Variants in DLGAP1 observed in about 807,000 individuals in gnomAD.
DLGAP1 encodes DLG associated protein 1, also known as disks large-associated protein 1.
A neutral mutation model predicts 90.8 loss-of-function variants in DLGAP1; 11 were observed. The observed-to-expected ratio is 0.12, with a 90% CI of 0.08 to 0.20. The LOEUF is 0.20. Ranked by LOEUF, DLGAP1 falls within the 10% of genes least tolerant of loss-of-function variation. DLGAP1 has a pLI of 1.00. For synonymous variants in DLGAP1, 558 were observed against 540.7 expected (o/e 1.03, Z -0.44); for missense variants, 1,050 against 1,333.8 (o/e 0.79, Z 3.31).
At chr18:3,581,037 G>A (rs1019610247) in intron 8 of DLGAP1, among the ~76,000 whole-genome samples, 1 of 152,140 alleles carries the variant, frequency 6.6e-6, no homozygotes, top group Non-Finnish European at 1.5e-5. Flanking sequence ...CCAACCCCAG[G>A]CTGCTTATGT....
At chr18:4,289,056 A>G (rs1394519455) in intron 1 of DLGAP1, among the ~76,000 whole-genome samples, 1 of 152,168 alleles carries the variant, frequency 6.6e-6, no homozygotes, top group Admixed American at 6.6e-5. Context: ...TAACAGATAA[A>G]TCTTCAGCCC....
chr18:4,068,080 T>TC (rs2075395936), intron 2 of DLGAP1, among the ~76,000 whole-genome samples: 1 of 152,082 alleles, frequency 6.6e-6, no homozygotes, highest in African/African-American at 2.4e-5. Flanking sequence ...AAGCACACCC[T>TC]CCTTCTCATT....
chr18:3,851,725 A>G (rs181175468), intron 4 of DLGAP1, among the ~76,000 whole-genome samples: 10 of 152,326 alleles, frequency 6.6e-5, no homozygotes, highest in Non-Finnish European at 1.3e-4. Flanking sequence ...TCTTGTAAAT[A>G]ATGAAAACTC....
At chr18:4,424,833 A>C (rs1939266421) in intron 1 of DLGAP1, among the ~76,000 whole-genome samples, 1 of 152,148 alleles carries the variant, frequency 6.6e-6, no homozygotes, top group Non-Finnish European at 1.5e-5. Flanking sequence ...CTAAATTTGC[A>C]CCTTATTCTT....
At chr18:3,784,711 A>G (rs1444737384) in intron 5 of DLGAP1, among the ~76,000 whole-genome samples, 1 of 152,210 alleles carries the variant, frequency 6.6e-6, no homozygotes, top group Non-Finnish European at 1.5e-5. Context: ...GATCCAGTGC[A>G]ATGAGCGAGA....
chr18:3,679,628 G>A (rs1041668629), intron 7 of DLGAP1, among the ~76,000 whole-genome samples: 4 of 149,198 alleles, frequency 2.7e-5, no homozygotes, highest in East Asian at 2.0e-4. Context: ...GATGAGCTCC[G>A]TGGTAGTTTG....
intron 1 of DLGAP1, among the ~76,000 whole-genome samples, chr18:4,306,065 C>CAT (rs1555779966): frequency 2.3e-5 from 3 of 131,602 alleles, no homozygotes; most frequent in Admixed American, 1.6e-4. Context: ...CACACACACA[C>CAT]GGGGGAGAGG....
chr18:4,105,649 A>T (rs1201908290), intron 2 of DLGAP1, among the ~76,000 whole-genome samples: 2 of 152,260 alleles, frequency 1.3e-5, no homozygotes, highest in Non-Finnish European at 2.9e-5. Context: ...ATTGCTATTT[A>T]AAGTAATTTA....
At chr18:4,233,862 A>G (rs77063387) in intron 1 of DLGAP1, among the ~76,000 whole-genome samples, 4,990 of 152,212 alleles carry the variant, frequency 0.033, 265 homozygotes, top group African/African-American at 0.11. Context: ...GTCCATTACC[A>G]TTTCTTTATT....
intron 2 of DLGAP1, among the ~76,000 whole-genome samples, chr18:4,067,188 G>A (rs529071649): frequency 2.0e-5 from 3 of 152,032 alleles, no homozygotes; most frequent in Admixed American, 6.6e-5. Flanking sequence ...GGTGGAGGTT[G>A]GGAGGAGGAA....
chr18:4,150,969 G>C (rs67060015), intron 2 of DLGAP1, among the ~76,000 whole-genome samples: 37,937 of 152,100 alleles, frequency 0.25, 4,848 homozygotes, highest in Middle Eastern at 0.34. Context: ...AATACATCTG[G>C]CCTAGATTCT....
At chr18:4,300,520 C>T (rs948336732) in intron 1 of DLGAP1, among the ~76,000 whole-genome samples, 1 of 152,214 alleles carries the variant, frequency 6.6e-6, no homozygotes, top group African/African-American at 2.4e-5. Context: ...AAAACTCTTG[C>T]AATACTCTAG....
chr18:4,344,560 G>A (rs998500914), intron 1 of DLGAP1, among the ~76,000 whole-genome samples: 2 of 152,222 alleles, frequency 1.3e-5, no homozygotes, highest in African/African-American at 4.8e-5. Flanking sequence ...AAAGTATTAC[G>A]GTCAAGGTCA....
chr18:4,206,584 C>T (rs2077725237), intron 1 of DLGAP1, among the ~76,000 whole-genome samples: 1 of 152,158 alleles, frequency 6.6e-6, no homozygotes, highest in Non-Finnish European at 1.5e-5. Flanking sequence ...AGAGGGCCCA[C>T]ATCAGCATGC....
chr18:4,082,891 T>C (rs1400116667), intron 2 of DLGAP1, among the ~76,000 whole-genome samples: 1 of 152,076 alleles, frequency 6.6e-6, no homozygotes, highest in East Asian at 1.9e-4. Flanking sequence ...GTAATGCACA[T>C]GGACCCCAAG....
chr18:4,281,289 G>A (rs545419459), intron 1 of DLGAP1, among the ~76,000 whole-genome samples: 42 of 152,264 alleles, frequency 2.8e-4, no homozygotes, highest in African/African-American at 9.6e-4. Flanking sequence ...AGTGGCTCAT[G>A]CCTGTAATCC....
At chr18:3,636,725 TC>T (rs2146258068) in intron 7 of DLGAP1, among the ~76,000 whole-genome samples, 1 of 103,976 alleles carries the variant, frequency 9.6e-6, no homozygotes, top group African/African-American at 5.2e-5. Context: ...CACTTTTACA[TC>T]TTTTTTTTTT....
At chr18:3,943,003 C>T (rs1426108703) in intron 3 of DLGAP1, among the ~76,000 whole-genome samples, 1 of 151,828 alleles carries the variant, frequency 6.6e-6, no homozygotes, top group Admixed American at 6.6e-5. Context: ...TCTCTTGATG[C>T]AGCTATTAAA....
At chr18:4,328,620 A>G (rs765807645) in intron 1 of DLGAP1, among the ~76,000 whole-genome samples, 3 of 152,024 alleles carry the variant, frequency 2.0e-5, no homozygotes, top group African/African-American at 4.8e-5. Flanking sequence ...AGAAACTGTA[A>G]AACTATTTTC....
Sources: allele counts gnomAD v4.1 joint callset (sites outside exome capture counted in the v4.1 genomes callset), GRCh38; gene constraint gnomAD v4.1.1; transcripts MANE v1.5; gene names NCBI Gene and HGNC (gene_info 2026-07-23, HGNC 2026-07-21).